SHISAL1: variants seen among roughly 807,000 people sequenced by gnomAD.
The protein encoded by SHISAL1 is protein shisa-like-1.
SHISAL1 carries 9 observed loss-of-function variants against 22.6 expected under a neutral mutation model. The observed-to-expected ratio is 0.40, with a 90% confidence interval of 0.24 to 0.70. The LOEUF is 0.70. SHISAL1 is among the 30% of genes least tolerant of loss of function. SHISAL1 has a pLI of 0.39. For synonymous variants in SHISAL1, 119 were observed against 115.4 expected, an observed-to-expected ratio of 1.03 and a Z score of -0.20; for missense variants, 246 against 270.6, an observed-to-expected ratio of 0.91 and a Z score of 0.64.
the SHISAL1 span, among the ~76,000 whole-genome samples, chr22:44,323,328 AT>A: frequency 7.4e-6 from 1 of 135,480 alleles, no homozygotes; most frequent in African/African-American, 2.9e-5. Flanking sequence ...CCACCCATTC[AT>A]CCATCTATCC....
At chr22:44,251,648 G>A (rs1030565923) in intron 4 of SHISAL1, among the ~76,000 whole-genome samples, 12 of 152,192 alleles carry the variant, frequency 7.9e-5, no homozygotes, top group African/African-American at 2.9e-4. Flanking sequence ...TGTGGATGGT[G>A]GCAGGCAAAG....
chr22:44,329,286 C>G, the SHISAL1 span, among the ~76,000 whole-genome samples: 1 of 152,148 alleles, frequency 6.6e-6, no homozygotes, highest in African/African-American at 2.4e-5. Context: ...TGGCTCTCAG[C>G]TGGTCTCACT....
the SHISAL1 span, among the ~76,000 whole-genome samples, chr22:44,318,108 G>A: frequency 6.6e-6 from 1 of 152,236 alleles, no homozygotes; most frequent in South Asian, 2.1e-4. Context: ...AGCCCACCGT[G>A]GGGGCGGGGA....
At chr22:44,282,994 C>T (rs1333200432) in intron 4 of SHISAL1, among the ~76,000 whole-genome samples, 1 of 152,146 alleles carries the variant, frequency 6.6e-6, no homozygotes, top group African/African-American at 2.4e-5. Context: ...GCTGGGAGGA[C>T]CTTGGAGTGG....
At chr22:44,283,368 C>A (rs537815202) in intron 4 of SHISAL1, among the ~76,000 whole-genome samples, 2 of 152,348 alleles carry the variant, frequency 1.3e-5, no homozygotes, top group East Asian at 1.9e-4. Context: ...ACAATCCCTG[C>A]AGGCTTGGCA....
chr22:44,327,948 G>A, the SHISAL1 span, among the ~76,000 whole-genome samples: 30 of 152,224 alleles, frequency 2.0e-4, no homozygotes, highest in African/African-American at 7.2e-4. Flanking sequence ...CAGCTGGGCT[G>A]GGAAAAGCCT....
chr22:44,300,124 C>CAGAGACAGACAGAGAGACAGAGACAG (rs2055417226), intron 2 of SHISAL1, among the ~76,000 whole-genome samples: 1 of 149,352 alleles, frequency 6.7e-6, no homozygotes, highest in Non-Finnish European at 1.5e-5. Context: ...GAGACAGAGA[C>CAGAGACAGACAGAGAGACAGAGACAG]AGAGAGACAG....
At chr22:44,273,721 G>A (rs2055220149) in intron 4 of SHISAL1, among the ~76,000 whole-genome samples, 1 of 152,168 alleles carries the variant, frequency 6.6e-6, no homozygotes, top group African/African-American at 2.4e-5. Flanking sequence ...AATTAAAAAT[G>A]TATTAAGTAA....
At chr22:44,256,343 G>T (rs1164120624) in intron 4 of SHISAL1, among the ~76,000 whole-genome samples, 2 of 152,146 alleles carry the variant, frequency 1.3e-5, no homozygotes, top group African/African-American at 4.8e-5. Context: ...CACACCATTG[G>T]CTCCCCTGGG....
chr22:44,249,061 C>G lies in SHISAL1; in HGVS notation c.*624G>C, dbSNP rs1026669273. 6.6e-6 allele frequency: 1 copy of G among 152,008 alleles called. No homozygotes were observed. Among genetic ancestry groups the G allele is most frequent in the Non-Finnish European group, 1.5e-5 (1 of 68,016 alleles). 9.4% of individuals were successfully genotyped at this position (152,008 alleles called of 1,614,324 possible). On this transcript the variant is annotated 3_prime_UTR_variant, in exon 5 of 5. Coordinates refer to ENST00000381176, the MANE Select transcript of SHISAL1 (RefSeq NM_001099294.2). ...CAAATCCCCAGTGCTCCCCGAGACACAGAGGGGCCGTACCCTGTGCTTAGC... is the reference window on the plus strand; with the variant it reads ...CAAATCCCCAGTGCTCCCCGAGACAGAGAGGGGCCGTACCCTGTGCTTAGC...
intron 3 of SHISAL1, among the ~76,000 whole-genome samples, chr22:44,290,678 T>A (rs1012201178): frequency 1.6e-4 from 24 of 152,024 alleles, no homozygotes; most frequent in African/African-American, 5.8e-4. Flanking sequence ...TTGGCAAAAT[T>A]CTCTCTGTGA....
intron 1 of SHISAL1, among the ~76,000 whole-genome samples, chr22:44,301,697 G>A (rs117429385): frequency 4.3e-4 from 65 of 152,212 alleles, no homozygotes; most frequent in Admixed American, 1.6e-3. Flanking sequence ...AAGGTGGCCC[G>A]TCACACAATG....
intron 3 of SHISAL1, among the ~76,000 whole-genome samples, chr22:44,296,369 A>C (rs1286088440): frequency 6.6e-6 from 1 of 152,060 alleles, no homozygotes; most frequent in Non-Finnish European, 1.5e-5. Flanking sequence ...CATGTTGGCT[A>C]GGCTGGTCTC....
chr22:44,308,820 C>T (rs2055497471), intron 1 of SHISAL1, among the ~76,000 whole-genome samples: 1 of 152,206 alleles, frequency 6.6e-6, no homozygotes, highest in African/African-American at 2.4e-5. Flanking sequence ...CCTCCTTAGA[C>T]AGGGGCCACG....
Position 44,296,718 on chromosome 22 carries a change from C to T in SHISAL1, c.235G>A (p.Val79Met), listed in dbSNP as rs750343011. The T allele has an allele frequency of 6.2e-6, 10 of 1,614,108 alleles. No homozygotes were observed. The highest frequency in any genetic ancestry group is 8.5e-6 in the Non-Finnish European group (10 of 1,180,044). ...CTGGCCGTGAGGTTCGCCTGCATCA[C>T]CGCCTGGAACTCCGTCTCGTTGCAG... is the stretch of plus-strand genomic sequence containing the variant. ...YCCNETEFQAVMQANLTASSE... is the reference protein window; with the variant it reads ...YCCNETEFQAMMQANLTASSE... The change falls in exon 3 of 5, where the codon GTG (valine) becomes ATG (methionine). Residue 79 changes from valine to methionine, a missense_variant. Val to Met is a conservative substitution (Grantham distance 21). Transcript: ENST00000381176.
chr22:44,288,788 G>C (rs960692811), intron 3 of SHISAL1, among the ~76,000 whole-genome samples: 8 of 152,226 alleles, frequency 5.3e-5, no homozygotes, highest in Non-Finnish European at 8.8e-5. Flanking sequence ...TCTTAGCCCA[G>C]ATATCGCCTC....
chr22:44,308,002 G>A (rs1415514498), intron 1 of SHISAL1, among the ~76,000 whole-genome samples: 1 of 152,156 alleles, frequency 6.6e-6, no homozygotes, highest in Non-Finnish European at 1.5e-5. Context: ...CCACTTCTGG[G>A]CACGACCAAG....
At chr22:44,263,481 C>G (rs1454173470) in intron 4 of SHISAL1, among the ~76,000 whole-genome samples, 2 of 152,196 alleles carry the variant, frequency 1.3e-5, no homozygotes, top group East Asian at 1.9e-4. Context: ...ATCAAGGAAC[C>G]TATCTGGGGC....
intron 4 of SHISAL1, among the ~76,000 whole-genome samples, chr22:44,268,458 T>C (rs1382882752): frequency 1.3e-5 from 2 of 152,176 alleles, no homozygotes. Flanking sequence ...CCTTCCCTCA[T>C]TTTACACAAG....
Sources: gnomAD v4.1 joint callset for allele counts (sites outside exome capture counted in the v4.1 genomes callset) on GRCh38, gnomAD v4.1.1 for gene constraint, MANE v1.5 for transcripts, NCBI Gene and HGNC (gene_info 2026-07-23, HGNC 2026-07-21) for gene names.